PTPRN2: variants seen among roughly 807,000 people sequenced by gnomAD.
The protein encoded by PTPRN2 is receptor-type tyrosine-protein phosphatase N2.
A neutral mutation model predicts 118.8 loss-of-function variants in PTPRN2; 74 were observed. That is an observed-to-expected ratio of 0.62 (90% confidence interval 0.52 to 0.76). The LOEUF (loss-of-function observed/expected upper bound fraction) is 0.76, where lower values mean the gene tolerates loss of function less well. Ranked by LOEUF, PTPRN2 falls within the 30% of genes least tolerant of loss-of-function variation. The probability of loss-of-function intolerance (pLI) is 0.00; values close to 1 mark genes in which losing one functional copy is unlikely to be tolerated. For missense variants in PTPRN2, 1,481 were observed against 1,394.4 expected (o/e 1.06, Z -0.99); for synonymous variants, 641 against 608.0 (o/e 1.05, Z -0.80).
intron 1 of PTPRN2, among the ~76,000 whole-genome samples, chr7:158,572,844 TAA>T (rs1221074059): frequency 6.6e-6 from 1 of 152,218 alleles, no homozygotes; most frequent in African/African-American, 2.4e-5. Flanking sequence ...AGTTTCTAAA[TAA>T]AGATGAGACT....
rs1160695777 is a variant in PTPRN2 at position 158,279,540 on chromosome 7, C to T, written c.277+37279G>A. On this transcript the variant is annotated intron_variant, in intron 3 of 22. Transcript: ENST00000389418. Reference sequence around the variant, plus strand: ...AAGAGACAGAGACCCACCATCATGGCCAACGACCCAGGGAAGAGGGAATGG... The same window carrying T: ...AAGAGACAGAGACCCACCATCATGGTCAACGACCCAGGGAAGAGGGAATGG... Among the ~76,000 whole-genome samples, 5 of 152,184 alleles carry T rather than the reference C, an allele frequency of 3.3e-5. No individual in the cohort carries two copies. The East Asian group carries it at 7.7e-4, about 23-fold the overall frequency.
At chr7:157,983,905 G>C (rs1298306966) in intron 11 of PTPRN2, among the ~76,000 whole-genome samples, 2 of 152,158 alleles carry the variant, frequency 1.3e-5, no homozygotes, top group Non-Finnish European at 2.9e-5. Context: ...CGGATGTTCT[G>C]GGGCTGTTGC....
Position 157,656,343 on chromosome 7 carries a change from A to G in PTPRN2, c.2196+14T>C. ...TGGTGTTTGTGTGGCAGGGAGTGCA[A>G]AGACTGGGCTTACCAGGATCATGTG... On this transcript the variant is annotated intron_variant, in intron 14 of 22. Coordinates refer to ENST00000389418, the MANE Select transcript of PTPRN2 (RefSeq NM_002847.5). 1 of 1,540,670 alleles carries G rather than the reference A, an allele frequency of 6.5e-7. No homozygotes were observed. The highest frequency in any genetic ancestry group is 8.8e-7 in the Non-Finnish European group (1 of 1,138,544).
intron 10 of PTPRN2, among the ~76,000 whole-genome samples, chr7:158,087,841 A>AC (rs1379300461): frequency 1.2e-5 from 1 of 86,116 alleles, no homozygotes. Flanking sequence ...CTTCACACAA[A>AC]CCTTCTTCCC....
chr7:158,002,521 G>A (rs905989722), intron 11 of PTPRN2, among the ~76,000 whole-genome samples: 11 of 152,174 alleles, frequency 7.2e-5, no homozygotes, highest in South Asian at 2.1e-4. Context: ...ATGCAGTGAA[G>A]GAACAACGGG....
In PTPRN2 at chr7:157,952,420, G is replaced by A. The variant is rs868140846; in HGVS notation, c.1724-53683C>T. ...ATCCCTGAGACGGGGTGGGGGACAC[G>A]GGGGGAGACAGGCGAGGGTGGGTAG... is the stretch of plus-strand genomic sequence containing the variant. On this transcript the variant is annotated intron_variant, in intron 11 of 22. Transcript: ENST00000389418. 2.4e-4 allele frequency among the ~76,000 whole-genome samples: 29 copies of A among 120,954 alleles called. 1 individual carries two copies. The highest frequency in any genetic ancestry group is 4.3e-3 in the Middle Eastern group (1 of 232). The allele number at this position is 120,954 out of a possible 152,430, so 79.4% of individuals were successfully genotyped here.
At chr7:158,066,968 C>CA (rs1161721902) in intron 11 of PTPRN2, among the ~76,000 whole-genome samples, 3 of 152,162 alleles carry the variant, frequency 2.0e-5, no homozygotes, top group Non-Finnish European at 4.4e-5. Flanking sequence ...GCAAATCCCA[C>CA]AAAAATTACA....
At chr7:157,774,743 G>A (rs1803090628) in intron 12 of PTPRN2, among the ~76,000 whole-genome samples, 1 of 152,190 alleles carries the variant, frequency 6.6e-6, no homozygotes, top group Non-Finnish European at 1.5e-5. Flanking sequence ...CCCGACAGGG[G>A]AGGTCTTCGA....
At chr7:158,490,223 C>G (rs953305436) in intron 1 of PTPRN2, among the ~76,000 whole-genome samples, 1 of 152,358 alleles carries the variant, frequency 6.6e-6, no homozygotes. Flanking sequence ...AGGGAGGTAA[C>G]GAGCTCCGCG....
At chr7:158,365,428 C>G (rs1258287780) in intron 2 of PTPRN2, among the ~76,000 whole-genome samples, 1 of 152,218 alleles carries the variant, frequency 6.6e-6, no homozygotes, top group East Asian at 1.9e-4. Context: ...TCTCCTCCCT[C>G]TCTTCCTACA....
chr7:158,270,787 CT>C (rs764513474), intron 3 of PTPRN2, among the ~76,000 whole-genome samples: 1,308 of 97,250 alleles, frequency 0.013, 82 homozygotes, highest in East Asian at 0.018. Context: ...TGGACCACCC[CT>C]CCACCTGGAC....
chr7:158,434,632 T>C (rs1816447283), intron 2 of PTPRN2, among the ~76,000 whole-genome samples: 1 of 152,236 alleles, frequency 6.6e-6, no homozygotes, highest in Non-Finnish European at 1.5e-5. Flanking sequence ...ATTTATCTCA[T>C]TTATTTACAA....
chr7:158,146,374 A>C (rs1820001095), intron 6 of PTPRN2, among the ~76,000 whole-genome samples: 1 of 152,140 alleles, frequency 6.6e-6, no homozygotes. Context: ...CATTGATTGC[A>C]CCAACCTGTA....
intron 2 of PTPRN2, among the ~76,000 whole-genome samples, chr7:158,368,733 C>T (rs1223787509): frequency 6.6e-6 from 1 of 152,166 alleles, no homozygotes; most frequent in Non-Finnish European, 1.5e-5. Context: ...GACCCAAGGC[C>T]CAGCTGGGCC....
intron 6 of PTPRN2, among the ~76,000 whole-genome samples, chr7:158,160,562 C>T (rs894680299): frequency 4.6e-4 from 70 of 152,166 alleles, no homozygotes; most frequent in African/African-American, 1.4e-3. Context: ...TCTGCATTTG[C>T]GAAAGATACA....
chr7:158,428,969 C>T (rs1412381741), intron 2 of PTPRN2, among the ~76,000 whole-genome samples: 1 of 152,206 alleles, frequency 6.6e-6, no homozygotes, highest in Non-Finnish European at 1.5e-5. Flanking sequence ...GGAGGATTTA[C>T]GAGTTCCAGC....
At chr7:158,231,223 C>T (rs1277255133) in intron 3 of PTPRN2, among the ~76,000 whole-genome samples, 1 of 152,160 alleles carries the variant, frequency 6.6e-6, no homozygotes, top group Admixed American at 6.5e-5. Flanking sequence ...GCCATGATCA[C>T]ACCACTGCAC....
intron 3 of PTPRN2, among the ~76,000 whole-genome samples, chr7:158,225,012 G>A (rs1828646349): frequency 6.6e-6 from 1 of 152,080 alleles, no homozygotes; most frequent in African/African-American, 2.4e-5. Flanking sequence ...CACCCACAAT[G>A]AGATGCCACC....
intron 12 of PTPRN2, among the ~76,000 whole-genome samples, chr7:157,772,009 TAC>T (rs915850317): frequency 1.6e-5 from 2 of 129,030 alleles, no homozygotes; most frequent in South Asian, 2.5e-4. Context: ...CACAGATACA[TAC>T]ACAGACACAC....
Sources: gnomAD v4.1 joint callset for allele counts (sites outside exome capture counted in the v4.1 genomes callset) on GRCh38, gnomAD v4.1.1 for gene constraint, MANE v1.5 for transcripts, NCBI Gene and HGNC (gene_info 2026-07-23, HGNC 2026-07-21) for gene names.